Variants in SPTA1 observed in about 807,000 individuals in gnomAD.
The protein encoded by SPTA1 is spectrin alpha, erythrocytic 1, also known as spectrin alpha chain, erythrocytic 1.
Under a neutral mutation model 324.7 loss-of-function variants are expected in SPTA1, and 177 were observed. The observed-to-expected ratio is 0.55, with a 90% confidence interval of 0.48 to 0.62. The LOEUF is 0.62. Among genes scored for constraint, SPTA1 ranks in the 20% least tolerant of loss-of-function variants. SPTA1 has a pLI of 0.00. For synonymous variants in SPTA1, 1,195 were observed against 1,041.3 expected, an observed-to-expected ratio of 1.15 and a Z score of -2.84; for missense variants, 3,162 against 2,883.6, an observed-to-expected ratio of 1.10 and a Z score of -2.21.
Position 158,686,636 on chromosome 1 carries a change from G to GT in SPTA1, c.-120dup. ...ATAGAAATATAGAAACGTTAAGTAT[G>GT]TGGGGGAAAAAAAAAAACCTCTTGC... is the stretch of plus-strand genomic sequence containing the variant. On this transcript the variant is annotated 5_prime_UTR_variant, in exon 1 of 52. An upstream open reading frame in the 5' UTR gains an earlier in-frame stop. Coordinates refer to ENST00000643759, the MANE Select transcript of SPTA1 (RefSeq NM_003126.4). 1.4e-6 allele frequency: 1 copy of GT among 728,998 alleles called. No individual in the cohort carries two copies. 45.2% of individuals were successfully genotyped at this position (728,998 alleles called of 1,614,324 possible).
intron 47 of SPTA1, among the ~76,000 whole-genome samples, chr1:158,617,010 A>G (rs1271183591): frequency 6.6e-6 from 1 of 150,386 alleles, no homozygotes; most frequent in Non-Finnish European, 1.5e-5. Context: ...ATTAAATGTC[A>G]TTACTTAATT....
Position 158,657,712 on chromosome 1 carries a change from A to T in SPTA1, c.2588-18T>A. The T allele has an allele frequency of 6.2e-7, 1 of 1,612,430 alleles. No homozygotes were observed. The highest frequency in any genetic ancestry group is 8.5e-7 in the Non-Finnish European group (1 of 1,178,558). ...AAAGTGTCCTATGGAGTAATTATAG[A>T]AAAGGTGAGTATGATCCTCATGAGT... On this transcript the variant is annotated intron_variant, in intron 18 of 51. Coordinates refer to ENST00000643759, the MANE Select transcript of SPTA1 (RefSeq NM_003126.4).
At chr1:158,643,884 C>T (rs1174243481) in intron 30 of SPTA1, among the ~76,000 whole-genome samples, 1 of 152,066 alleles carries the variant, frequency 6.6e-6, no homozygotes. Flanking sequence ...CTCCTATAAT[C>T]TCAGCACTTT....
chr1:158,625,250 T>C (rs1372690745), intron 42 of SPTA1, among the ~76,000 whole-genome samples: 15 of 152,196 alleles, frequency 9.9e-5, no homozygotes, highest in Non-Finnish European at 1.5e-5. Flanking sequence ...TCTGAAAAAG[T>C]ACACTTTAAA....
At chr1:158,625,616 T>C (rs954206437) in intron 42 of SPTA1, among the ~76,000 whole-genome samples, 3 of 151,742 alleles carry the variant, frequency 2.0e-5, no homozygotes, top group African/African-American at 7.3e-5. Context: ...TGAAATTAAA[T>C]AATACACTAC....
intron 33 of SPTA1, among the ~76,000 whole-genome samples, chr1:158,640,434 G>A (rs1651464069): frequency 6.6e-6 from 1 of 152,110 alleles, no homozygotes; most frequent in South Asian, 2.1e-4. Flanking sequence ...TATGGTCACA[G>A]AACATATTTT....
intron 18 of SPTA1, among the ~76,000 whole-genome samples, chr1:158,658,497 T>G (rs1372597600): frequency 6.6e-6 from 1 of 152,138 alleles, no homozygotes. Flanking sequence ...ATAGTTAACA[T>G]TCCACCCATC....
chr1:158,671,621 C>T (rs1654034518), intron 11 of SPTA1, among the ~76,000 whole-genome samples, 168 bp from the exon 12 acceptor site: 1 of 152,144 alleles, frequency 6.6e-6, no homozygotes, highest in Non-Finnish European at 1.5e-5. Flanking sequence ...TTCAGGCCTC[C>T]TTCCTGATAC....
At chr1:158,677,563 A>G (rs1654470147) in intron 7 of SPTA1, 127 bp downstream of exon 7, 5 of 1,134,710 alleles carry the variant, frequency 4.4e-6, no homozygotes, top group East Asian at 2.5e-5. Context: ...ATTCAAGTGC[A>G]CACAATTTCT....
intron 2 of SPTA1, among the ~76,000 whole-genome samples, chr1:158,683,811 A>G (rs1385622773): frequency 6.6e-6 from 1 of 150,572 alleles, no homozygotes; most frequent in African/African-American, 2.4e-5. Flanking sequence ...AGTAGAGCAC[A>G]ATGAGAAAGA....
intron 47 of SPTA1, among the ~76,000 whole-genome samples, chr1:158,617,172 T>C (rs1056130255): frequency 1.3e-5 from 2 of 152,200 alleles, no homozygotes; most frequent in African/African-American, 4.8e-5. Flanking sequence ...TTGGGCACTT[T>C]TACATTTGCT....
At chr1:158,632,950 T>A (rs546126301) in intron 39 of SPTA1, among the ~76,000 whole-genome samples, 1 of 152,270 alleles carries the variant, frequency 6.6e-6, no homozygotes, top group Non-Finnish European at 1.5e-5. Context: ...AGGTGAGTGG[T>A]TCGACTGTGA....
chr1:158,682,406 T>A (rs1654878950), intron 3 of SPTA1, among the ~76,000 whole-genome samples: 1 of 152,196 alleles, frequency 6.6e-6, no homozygotes, highest in Admixed American at 6.5e-5. Flanking sequence ...ATTTCTCAAA[T>A]ATTGTAATTA....
chr1:158,635,822 A>G, intron 38 of SPTA1, 91 bp downstream of exon 38: 1 of 1,589,504 alleles, frequency 6.3e-7, no homozygotes, highest in Non-Finnish European at 8.6e-7. Flanking sequence ...GGGATAGCAG[A>G]CAATGCTGAG....
intron 47 of SPTA1, among the ~76,000 whole-genome samples, chr1:158,616,530 T>G (rs1438343753): frequency 6.6e-6 from 1 of 152,222 alleles, no homozygotes; most frequent in Non-Finnish European, 1.5e-5. Context: ...TTGGCTTATT[T>G]CACTTAATAT....
intron 44 of SPTA1, 73 bp downstream of exon 44, chr1:158,620,097 G>T: frequency 6.4e-7 from 1 of 1,562,772 alleles, no homozygotes; most frequent in Non-Finnish European, 8.8e-7. Context: ...TATGTCAAAA[G>T]TCTATTTACT....
Position 158,610,999 on chromosome 1 carries a change from T to C in SPTA1, c.*265A>G. ...AAACAGAACAAATAAAAATAGAAAC[T>C]TTGACACCCCTCAGCAGTGACTAGT... On this transcript the variant is annotated 3_prime_UTR_variant, in exon 52 of 52. Coordinates refer to ENST00000643759, the MANE Select transcript of SPTA1 (RefSeq NM_003126.4). 1 of 391,388 alleles carries C rather than the reference T, an allele frequency of 2.6e-6. No individual in the cohort carries two copies. The highest frequency in any genetic ancestry group is 2.0e-5 in the African/African-American group (1 of 49,016). The allele number at this position is 391,388 out of a possible 1,614,324, so 24.2% of individuals were successfully genotyped here.
intron 34 of SPTA1, 69 bp from the exon 35 acceptor site, chr1:158,639,755 C>T (rs1651390979): frequency 1.2e-6 from 2 of 1,611,424 alleles, no homozygotes; most frequent in Non-Finnish European, 1.7e-6. Flanking sequence ...AGATCAGCAG[C>T]TATGTCCCCA....
chr1:158,619,094 A>T (rs1015508795), intron 45 of SPTA1, 128 bp downstream of exon 45: 9 of 911,130 alleles, frequency 9.9e-6, no homozygotes, highest in Non-Finnish European at 1.6e-5. Context: ...AGCATAGGCA[A>T]GATATGGGGA....
Sources: allele counts gnomAD v4.1 joint callset (sites outside exome capture counted in the v4.1 genomes callset), GRCh38; gene constraint gnomAD v4.1.1; transcripts MANE v1.5; gene names NCBI Gene and HGNC (gene_info 2026-07-23, HGNC 2026-07-21).